The following SLC39A6 variants were observed in gnomAD, a reference collection of about 807,000 sequenced individuals.
SLC39A6 encodes the protein solute carrier family 39 member 6, also known as zinc transporter ZIP6.
Under a neutral mutation model 63.5 loss-of-function variants are expected in SLC39A6, and 51 were observed. That is an observed-to-expected ratio of 0.80 (90% CI 0.64 to 1.01). The LOEUF is 1.01. Ranked by LOEUF, SLC39A6 falls within the 50% of genes least tolerant of loss-of-function variation. The pLI is 0.00. For missense variants in SLC39A6, 805 were observed against 927.8 expected, an observed-to-expected ratio of 0.87 and a Z score of 1.72; for synonymous variants, 318 against 324.7, an observed-to-expected ratio of 0.98 and a Z score of 0.22.
chr18:36,120,597 T>C (rs1359448121), intron 5 of SLC39A6, among the ~76,000 whole-genome samples: 1 of 152,250 alleles, frequency 6.6e-6, no homozygotes, highest in Non-Finnish European at 1.5e-5. Flanking sequence ...GTTATACTTA[T>C]TACTGTAATT....
At chr18:36,112,216 G>A (rs1253609070) in intron 8 of SLC39A6, among the ~76,000 whole-genome samples, 1 of 152,202 alleles carries the variant, frequency 6.6e-6, no homozygotes, top group Non-Finnish European at 1.5e-5. Context: ...AATGCCTAGT[G>A]ACAAAGAAGA....
chr18:36,127,507 C>CA (rs879342564), intron 1 of SLC39A6, among the ~76,000 whole-genome samples: 337 of 135,896 alleles, frequency 2.5e-3, no homozygotes, highest in Admixed American at 5.8e-3. Flanking sequence ...AACCCTGTCT[C>CA]AAAAAAAAAA....
intron 8 of SLC39A6, among the ~76,000 whole-genome samples, chr18:36,112,217 A>G (rs2089306495): frequency 1.3e-5 from 2 of 152,252 alleles, no homozygotes; most frequent in Admixed American, 1.3e-4. Flanking sequence ...ATGCCTAGTG[A>G]CAAAGAAGAA....
chr18:36,113,271 T>TC (rs961983198), intron 7 of SLC39A6, among the ~76,000 whole-genome samples: 1 of 152,160 alleles, frequency 6.6e-6, no homozygotes, highest in African/African-American at 2.4e-5. Context: ...ATTTTTTTTT[T>TC]TTTTATTTGT....
intron 5 of SLC39A6, among the ~76,000 whole-genome samples, chr18:36,119,151 C>T (rs1052995351): frequency 3.3e-5 from 5 of 152,088 alleles, no homozygotes; most frequent in Admixed American, 2.6e-4. Context: ...GAAGAACTCC[C>T]CATACTCACA....
intron 9 of SLC39A6, 107 bp downstream of exon 9, chr18:36,110,952 T>G: frequency 6.7e-7 from 1 of 1,492,766 alleles, no homozygotes; most frequent in Non-Finnish European, 8.9e-7. Context: ...ATAGCAAGAT[T>G]CCACTTCCTG....
Position 36,124,728 on chromosome 18 carries a change from C to G in SLC39A6, c.790-28G>C, listed in dbSNP as rs547484410. 17 of 1,492,836 alleles carry G rather than the reference C, an allele frequency of 1.1e-5. No homozygotes were observed. The Admixed American group carries it at 3.0e-4, about 26-fold the overall frequency. The allele number at this position is 1,492,836 out of a possible 1,614,324, so 92.5% of individuals were successfully genotyped here. A position where few individuals can be genotyped will look rare whatever the true frequency, so the allele number is the denominator to read the frequency against. Reference sequence around the variant, plus strand: ...GAAAGAAACAAAGCAGTGAAAATCACCAAAAGCCATCCCCATTAGAGTAGT... The same window carrying G: ...GAAAGAAACAAAGCAGTGAAAATCAGCAAAAGCCATCCCCATTAGAGTAGT... On this transcript the variant is annotated intron_variant, in intron 2 of 9. Transcript: ENST00000269187.
Position 36,123,646 on chromosome 18 carries a change from A to G in SLC39A6, c.989T>C (p.Ile330Thr). Residue 330 changes from isoleucine to threonine, a missense_variant, in exon 4 of 10, where the codon ATA becomes ACA. This residue lies in a region of SLC39A6 where 639 missense variants were observed against 644.0 expected (regional missense o/e 0.99). Coordinates refer to ENST00000269187, the MANE Select transcript of SLC39A6 (RefSeq NM_012319.4). Reference protein sequence around the residue: ...SLQIAWVGGFIAISIISFLSL... With the variant: ...SLQIAWVGGFTAISIISFLSL... ...CAGGAAACTGATGATGGAAATGGCT[A>G]TAAAACCACCAACCCAGGCTGTCAA... The G allele has an allele frequency of 1.2e-6, 2 of 1,607,778 alleles. No individual in the cohort carries two copies. The highest frequency in any genetic ancestry group is 1.7e-6 in the Non-Finnish European group (2 of 1,178,432).
At position 36,124,422 on chromosome 18, in the gene SLC39A6, A is replaced by T. The variant is rs2089418244; in HGVS notation, c.970+98T>A. The T allele has an allele frequency of 4.2e-6, 3 of 716,972 alleles. No individual in the cohort carries two copies. In the African/African-American group the frequency reaches 5.3e-5, roughly 13 times the overall value. The allele number at this position is 716,972 out of a possible 1,614,324, so 44.4% of individuals were successfully genotyped here. ...GAACAACTAAGATGACATATTCAGA[A>T]TTGTACTGGAAAACAAATAGGCTGA... On this transcript the variant is annotated intron_variant, in intron 3 of 9. Coordinates refer to ENST00000269187, the MANE Select transcript of SLC39A6 (RefSeq NM_012319.4).
intron 2 of SLC39A6, among the ~76,000 whole-genome samples, chr18:36,125,377 C>T (rs1428214732): frequency 2.4e-4 from 35 of 148,568 alleles, no homozygotes; most frequent in Non-Finnish European, 4.5e-5. Flanking sequence ...AACAAAAAAA[C>T]CCCAAACTGG....
intron 2 of SLC39A6, 134 bp downstream of exon 2, chr18:36,126,085 G>A: frequency 1.1e-6 from 1 of 887,370 alleles, no homozygotes; most frequent in South Asian, 1.6e-5. Flanking sequence ...GTGCCTTGCT[G>A]AGAAGGTGGA....
At position 36,118,472 on chromosome 18, in the gene SLC39A6, T is replaced by C. The variant is rs143222679; in HGVS notation, c.1360-1693A>G. On this transcript the variant is annotated intron_variant, in intron 5 of 9. Transcript: ENST00000269187. Reference sequence around the variant, plus strand: ...ATGGCCACTGAAAAAATATAACTTATACCAAGACCTAAAGATAGGTAGGAA... The same window carrying C: ...ATGGCCACTGAAAAAATATAACTTACACCAAGACCTAAAGATAGGTAGGAA... Among the ~76,000 whole-genome samples the C allele has an allele frequency of 3.9e-4, 59 of 152,280 alleles. No individual in the cohort carries two copies. The East Asian group carries it at 9.4e-3, about 24-fold the overall frequency.
chr18:36,116,965 G>A (rs1425641123), intron 5 of SLC39A6, among the ~76,000 whole-genome samples, 186 bp from the exon 6 acceptor site: 1 of 152,206 alleles, frequency 6.6e-6, no homozygotes, highest in Non-Finnish European at 1.5e-5. Context: ...CCGGCCAGGC[G>A]CGGCGGCTCA....
At chr18:36,110,436 C>CA (rs200342744) in intron 9 of SLC39A6, among the ~76,000 whole-genome samples, 1,357 of 80,824 alleles carry the variant, frequency 0.017, 6 homozygotes, top group Middle Eastern at 0.026. Flanking sequence ...ATCAACAATC[C>CA]AAAAAAAAAA....
chr18:36,113,995 T>G, intron 7 of SLC39A6, 102 bp downstream of exon 7: 1 of 1,385,694 alleles, frequency 7.2e-7, no homozygotes, highest in Non-Finnish European at 9.6e-7. Context: ...AAGTCACTAA[T>G]ATCCTCATCT....
chr18:36,119,941 ATT>A (rs1180366436), intron 5 of SLC39A6, among the ~76,000 whole-genome samples: 4 of 152,170 alleles, frequency 2.6e-5, no homozygotes, highest in African/African-American at 4.8e-5. Flanking sequence ...TTTAGGTAAA[ATT>A]TGGAAATGAA....
intron 5 of SLC39A6, among the ~76,000 whole-genome samples, chr18:36,118,516 G>C (rs948669606): frequency 6.6e-5 from 10 of 152,170 alleles, no homozygotes; most frequent in African/African-American, 2.4e-4. Flanking sequence ...GGAAGGTTGG[G>C]GAGGCAGCAT....
intron 1 of SLC39A6, among the ~76,000 whole-genome samples, chr18:36,127,456 C>T (rs1253263007): frequency 6.6e-6 from 1 of 151,916 alleles, no homozygotes; most frequent in Non-Finnish European, 1.5e-5. Flanking sequence ...GGCAGATCAC[C>T]TGAGGCCAGG....
chr18:36,115,328 G>T (rs1350106978), intron 6 of SLC39A6, among the ~76,000 whole-genome samples: 1 of 151,958 alleles, frequency 6.6e-6, no homozygotes, highest in Admixed American at 6.6e-5. Flanking sequence ...TGTAGTCCCA[G>T]TTACTCGGGA....
Sources: gnomAD v4.1 joint callset for allele counts (sites outside exome capture counted in the v4.1 genomes callset) on GRCh38, gnomAD v4.1.1 for gene constraint, gnomAD v4.1.1 regional missense constraint, MANE v1.5 for transcripts, NCBI Gene and HGNC (gene_info 2026-07-23, HGNC 2026-07-21) for gene names.